Variants in TENM3 observed in about 807,000 individuals in gnomAD.
TENM3 encodes teneurin transmembrane protein 3, also known as teneurin-3.
A neutral mutation model predicts 255.1 loss-of-function variants in TENM3; 63 were observed. That is an observed-to-expected ratio of 0.25 (90% CI 0.20 to 0.30). The LOEUF (loss-of-function observed/expected upper bound fraction) is 0.30, where lower values mean the gene tolerates loss of function less well. Among genes scored for constraint, TENM3 ranks in the 10% least tolerant of loss-of-function variants. TENM3 has a pLI of 1.00. For synonymous variants in TENM3, 1,306 were observed against 1,322.3 expected (o/e 0.99, Z 0.27); for missense variants, 2,929 against 3,461.1 (o/e 0.85, Z 3.86).
the TENM3 span, among the ~76,000 whole-genome samples, chr4:181,474,317 A>C: frequency 1.5e-4 from 23 of 152,282 alleles, no homozygotes; most frequent in East Asian, 3.9e-3. Flanking sequence ...AAAGTATGAT[A>C]AAAAATTTTT....
Position 182,158,005 on chromosome 4 carries a change from G to A in TENM3, c.-76+13251G>A, listed in dbSNP as rs138558654. Among the ~76,000 whole-genome samples the A allele has an allele frequency of 2.2e-3, 340 of 152,284 alleles. 3 individuals are homozygous for A. The highest frequency in any genetic ancestry group is 3.6e-3 in the Non-Finnish European group (243 of 68,022). On this transcript the variant is annotated intron_variant, in intron 1 of 2. Transcript: ENST00000512480. ...CATTTTTGAAAGAAACATTGGTACA[G>A]AGAAGTATTTCTTTACTGTTAGAAA...
At chr4:181,607,941 T>C in the TENM3 span, among the ~76,000 whole-genome samples, 21 of 152,350 alleles carry the variant, frequency 1.4e-4, no homozygotes, top group Non-Finnish European at 4.4e-5. Flanking sequence ...ATGGTGACAA[T>C]TGGGACATTT....
At chr4:181,486,626 G>A in the TENM3 span, among the ~76,000 whole-genome samples, 1 of 152,206 alleles carries the variant, frequency 6.6e-6, no homozygotes, top group African/African-American at 2.4e-5. Context: ...CATTAGATGG[G>A]TCTCTATAAA....
At chr4:182,514,748 T>TA (rs1560856022) in intron 3 of TENM3, among the ~76,000 whole-genome samples, 3 of 150,974 alleles carry the variant, frequency 2.0e-5, no homozygotes, top group East Asian at 1.9e-4. Flanking sequence ...TCTGGAGCAT[T>TA]AAAAAAAAAC....
intron 3 of TENM3, among the ~76,000 whole-genome samples, chr4:182,347,981 G>A (rs1239399119): frequency 6.6e-6 from 1 of 152,078 alleles, no homozygotes; most frequent in African/African-American, 2.4e-5. Flanking sequence ...CTTTGTAATA[G>A]GAAAGCGGAT....
At chr4:182,691,579 G>A (rs1423996754) in intron 12 of TENM3, among the ~76,000 whole-genome samples, 1 of 152,120 alleles carries the variant, frequency 6.6e-6, no homozygotes, top group Non-Finnish European at 1.5e-5. Context: ...ATTTTTATTA[G>A]AGTATTCATA....
intron 3 of TENM3, among the ~76,000 whole-genome samples, chr4:182,394,077 A>G (rs1470847866): frequency 2.6e-5 from 4 of 152,068 alleles, no homozygotes; most frequent in African/African-American, 9.7e-5. Flanking sequence ...TGAAATAAAC[A>G]TCACCGTTGG....
chr4:181,538,919 A>G, the TENM3 span, among the ~76,000 whole-genome samples: 1 of 152,216 alleles, frequency 6.6e-6, no homozygotes, highest in Non-Finnish European at 1.5e-5. Context: ...AATTATGAAG[A>G]TTACACCAAA....
chr4:182,322,910 C>G (rs1236811660), intron 1 of TENM3, among the ~76,000 whole-genome samples: 1 of 152,088 alleles, frequency 6.6e-6, no homozygotes, highest in East Asian at 1.9e-4. Context: ...TATGGAATCA[C>G]TCAAAGAAAA....
At chr4:181,959,897 TA>T in the TENM3 span, among the ~76,000 whole-genome samples, 1 of 152,132 alleles carries the variant, frequency 6.6e-6, no homozygotes, top group African/African-American at 2.4e-5. Context: ...TATCCTAAAA[TA>T]GGGGTAGAGA....
chr4:182,036,865 T>TA, the TENM3 span, among the ~76,000 whole-genome samples: 1 of 152,130 alleles, frequency 6.6e-6, no homozygotes, highest in Non-Finnish European at 1.5e-5. Flanking sequence ...TGATTTTTTT[T>TA]ATAACAAACT....
chr4:182,030,265 T>G, the TENM3 span, among the ~76,000 whole-genome samples: 116,141 of 151,262 alleles, frequency 0.77, 45,626 homozygotes, highest in East Asian at 0.9. Flanking sequence ...CCCAGTGTTT[T>G]GTGTTTCCCT....
chr4:182,699,773 C>T (rs1157472459), intron 12 of TENM3, among the ~76,000 whole-genome samples: 1 of 151,934 alleles, frequency 6.6e-6, no homozygotes, highest in Non-Finnish European at 1.5e-5. Flanking sequence ...ACATTTTGTT[C>T]CTTTACTAAT....
the TENM3 span, among the ~76,000 whole-genome samples, chr4:181,564,028 CTTTTCTTTTTTCTTTTT>C: frequency 1.1e-5 from 1 of 94,714 alleles, no homozygotes; most frequent in Middle Eastern, 5.4e-3. Context: ...CTTTTCTTTT[CTTTTCTTTTTTCTTTTT>C]TTTTTTTTTT....
chr4:181,717,800 C>A, the TENM3 span, among the ~76,000 whole-genome samples: 1 of 152,044 alleles, frequency 6.6e-6, no homozygotes, highest in Non-Finnish European at 1.5e-5. Flanking sequence ...GCACAAAAAC[C>A]AATTCAATCG....
intron 6 of TENM3, among the ~76,000 whole-genome samples, chr4:182,668,111 C>G (rs962445407): frequency 1.3e-4 from 20 of 151,998 alleles, no homozygotes; most frequent in African/African-American, 4.3e-4. Context: ...ATTGTTAACC[C>G]CACATTTTGC....
At chr4:182,282,227 C>T (rs1379913177) in intron 1 of TENM3, among the ~76,000 whole-genome samples, 2 of 152,116 alleles carry the variant, frequency 1.3e-5, no homozygotes, top group Admixed American at 6.5e-5. Flanking sequence ...ATGCAGTGCC[C>T]TTCCCATAGG....
intron 3 of TENM3, among the ~76,000 whole-genome samples, chr4:182,571,489 C>G (rs11939170): frequency 0.67 from 101,463 of 152,126 alleles, 35,555 homozygotes; most frequent in Non-Finnish European, 0.78. Context: ...TGGCACCACT[C>G]TATTCCCACC....
At chr4:182,622,037 T>C (rs1750326547) in intron 4 of TENM3, among the ~76,000 whole-genome samples, 1 of 151,432 alleles carries the variant, frequency 6.6e-6, no homozygotes, top group African/African-American at 2.4e-5. Flanking sequence ...TTTTGAGCAA[T>C]ATCTCAAAAT....
Sources: allele counts gnomAD v4.1 joint callset (sites outside exome capture counted in the v4.1 genomes callset), GRCh38; gene constraint gnomAD v4.1.1; transcripts MANE v1.5; gene names NCBI Gene and HGNC (gene_info 2026-07-23, HGNC 2026-07-21).